NBAS: variants seen among roughly 807,000 people sequenced by gnomAD.
NBAS encodes the protein NBAS subunit of NRZ tethering complex.
NBAS carries 219 observed loss-of-function variants against 302.5 expected under a neutral mutation model. The observed-to-expected ratio is 0.72, with a 90% CI of 0.65 to 0.81. NBAS has a LOEUF of 0.81. Among genes scored for constraint, NBAS ranks in the 30% least tolerant of loss-of-function variants. The pLI, the probability that NBAS is intolerant of heterozygous loss-of-function variation, is 0.00. For missense variants in NBAS, 2,932 were observed against 2,841.6 expected, an observed-to-expected ratio of 1.03 and a Z score of -0.72; for synonymous variants, 1,118 against 1,021.6, an observed-to-expected ratio of 1.09 and a Z score of -1.80.
chr2:15,043,055 A>G, the NBAS span, among the ~76,000 whole-genome samples: 10 of 152,350 alleles, frequency 6.6e-5, no homozygotes, highest in African/African-American at 2.4e-4. Context: ...CATGAGCCAT[A>G]GTTCTCCAAC....
chr2:14,881,960 A>G, the NBAS span, among the ~76,000 whole-genome samples: 1 of 152,192 alleles, frequency 6.6e-6, no homozygotes, highest in Non-Finnish European at 1.5e-5. Flanking sequence ...TGAGAGAAGA[A>G]CAAAGATGGG....
chr2:15,307,931 C>T (rs916349019), intron 40 of NBAS, among the ~76,000 whole-genome samples: 7 of 152,116 alleles, frequency 4.6e-5, no homozygotes, highest in African/African-American at 1.7e-4. Context: ...TTTGCCTTTC[C>T]TACTACTTTA....
intron 44 of NBAS, among the ~76,000 whole-genome samples, chr2:15,268,031 G>A (rs763772825): frequency 1.3e-5 from 2 of 152,160 alleles, no homozygotes; most frequent in Non-Finnish European, 2.9e-5. Flanking sequence ...AGTGATTTCT[G>A]TAAAAGACAG....
chr2:14,928,230 T>C, the NBAS span, among the ~76,000 whole-genome samples: 1 of 152,204 alleles, frequency 6.6e-6, no homozygotes. Context: ...GAAGAGCTAA[T>C]GGCACAACCC....
the NBAS span, among the ~76,000 whole-genome samples, chr2:14,954,556 A>T: frequency 6.6e-6 from 1 of 152,176 alleles, no homozygotes; most frequent in African/African-American, 2.4e-5. Flanking sequence ...TGCTATAAGG[A>T]CATACCCAAG....
the NBAS span, among the ~76,000 whole-genome samples, chr2:15,065,604 C>T: frequency 6.6e-6 from 1 of 151,872 alleles, no homozygotes; most frequent in African/African-American, 2.4e-5. Context: ...ACAAACTATC[C>T]AAAAAGGAAA....
chr2:15,375,107 C>T (rs1674672586), intron 30 of NBAS, among the ~76,000 whole-genome samples: 1 of 152,150 alleles, frequency 6.6e-6, no homozygotes, highest in Non-Finnish European at 1.5e-5. Flanking sequence ...TCCAGTTTCC[C>T]TTCTACGAAA....
At chr2:15,372,943 A>C (rs1367071033) in intron 31 of NBAS, among the ~76,000 whole-genome samples, 1 of 152,166 alleles carries the variant, frequency 6.6e-6, no homozygotes, top group Non-Finnish European at 1.5e-5. Flanking sequence ...TGAATTAAAT[A>C]AGGAGGTAAA....
At chr2:15,297,919 G>A (rs1670625625) in intron 40 of NBAS, among the ~76,000 whole-genome samples, 1 of 152,048 alleles carries the variant, frequency 6.6e-6, no homozygotes, top group East Asian at 1.9e-4. Flanking sequence ...GTTTTCAACT[G>A]GATATTCTAT....
chr2:14,931,386 C>T, the NBAS span, among the ~76,000 whole-genome samples: 2,480 of 152,212 alleles, frequency 0.016, 35 homozygotes, highest in Non-Finnish European at 0.022. Context: ...ACAAACGGCC[C>T]CCTTGTTTCT....
the NBAS span, among the ~76,000 whole-genome samples, chr2:15,080,082 A>G: frequency 1.3e-5 from 2 of 152,288 alleles, no homozygotes; most frequent in Admixed American, 1.3e-4. Context: ...CCCTCATCCC[A>G]TGAGCCAGAC....
the NBAS span, among the ~76,000 whole-genome samples, chr2:15,081,357 C>A: frequency 6.6e-6 from 1 of 152,158 alleles, no homozygotes; most frequent in Non-Finnish European, 1.5e-5. Context: ...TCAGGAGAAA[C>A]TAAACTCAGG....
chr2:14,892,022 G>A, the NBAS span, among the ~76,000 whole-genome samples: 1 of 152,060 alleles, frequency 6.6e-6, no homozygotes, highest in East Asian at 1.9e-4. Flanking sequence ...TATAACATGC[G>A]ACTGACTTTT....
the NBAS span, among the ~76,000 whole-genome samples, chr2:14,986,181 C>T: frequency 6.6e-6 from 1 of 151,828 alleles, no homozygotes; most frequent in Non-Finnish European, 1.5e-5. Context: ...TGCTCATTTT[C>T]AGGTGTTTAA....
chr2:15,331,249 A>C (rs1356625071), intron 35 of NBAS, among the ~76,000 whole-genome samples: 1 of 152,230 alleles, frequency 6.6e-6, no homozygotes, highest in Non-Finnish European at 1.5e-5. Flanking sequence ...CCATCTAAAC[A>C]AGTAGGTAAT....
chr2:15,294,993 T>C (rs1670481727), intron 40 of NBAS, among the ~76,000 whole-genome samples: 2 of 152,230 alleles, frequency 1.3e-5, no homozygotes, highest in Admixed American at 6.5e-5. Context: ...TACCAGGCTA[T>C]TGTTTCTATC....
intron 35 of NBAS, among the ~76,000 whole-genome samples, chr2:15,344,233 A>G (rs982384949): frequency 2.6e-5 from 4 of 151,990 alleles, no homozygotes; most frequent in Non-Finnish European, 2.9e-5. Context: ...AAAAAATTCT[A>G]TCAAAAAGCC....
chr2:15,250,097 A>T (rs1668291797), intron 44 of NBAS, among the ~76,000 whole-genome samples: 1 of 152,220 alleles, frequency 6.6e-6, no homozygotes, highest in Admixed American at 6.5e-5. Flanking sequence ...ACAGCATGGT[A>T]CTGGTACCAA....
chr2:14,791,660 C>T, the NBAS span, among the ~76,000 whole-genome samples: 97 of 151,850 alleles, frequency 6.4e-4, no homozygotes, highest in African/African-American at 2.2e-3. Context: ...AAAAACTAGC[C>T]GGGGATGGTG....
Sources: allele counts gnomAD v4.1 joint callset (sites outside exome capture counted in the v4.1 genomes callset), GRCh38; gene constraint gnomAD v4.1.1; transcripts MANE v1.5; gene names NCBI Gene and HGNC (gene_info 2026-07-23, HGNC 2026-07-21).